The following SEMA3C variants were observed in gnomAD, a reference collection of about 807,000 sequenced individuals.
SEMA3C encodes semaphorin 3C, also known as semaphorin-3C.
SEMA3C carries 47 observed loss-of-function variants against 89.4 expected under a neutral mutation model. The observed-to-expected ratio is 0.53, with a 90% CI of 0.42 to 0.67. The LOEUF is 0.67. Among genes scored for constraint, SEMA3C ranks in the 30% least tolerant of loss-of-function variants. The pLI is 0.00. For missense variants in SEMA3C, 839 were observed against 929.1 expected, an observed-to-expected ratio of 0.90 and a Z score of 1.26; for synonymous variants, 310 against 320.2, an observed-to-expected ratio of 0.97 and a Z score of 0.34.
rs1031680674 is a variant in SEMA3C, at chr7:80,754,947, G to GTT, written c.1643+3382_1643+3383dup. Among the ~76,000 whole-genome samples the GTT allele has an allele frequency of 3.1e-3, 41 of 13,142 alleles. 1 individual carries two copies. Among genetic ancestry groups the GTT allele is most frequent in the African/African-American group, 4.4e-3 (36 of 8,158 alleles). 8.6% of individuals were successfully genotyped at this position (13,142 alleles called of 152,430 possible). On this transcript the variant is annotated intron_variant, in intron 15 of 17. Transcript: ENST00000265361. ...TGCCTGCCACCATGCCTGGCGAATT[G>GTT]TTTTTTTTTGTTTTTTTTTTTTTTG... is the stretch of plus-strand genomic sequence containing the variant.
intron 3 of SEMA3C, 54 bp downstream of exon 3, chr7:80,828,530 TA>T (rs1209157609): frequency 2.8e-6 from 4 of 1,407,466 alleles, no homozygotes; most frequent in South Asian, 2.9e-5. Flanking sequence ...TTATTTTTTT[TA>T]AAAAAGAGAC....
chr7:80,811,775 A>G (rs1286493868), intron 5 of SEMA3C, among the ~76,000 whole-genome samples: 1 of 152,146 alleles, frequency 6.6e-6, no homozygotes, highest in South Asian at 2.1e-4. Flanking sequence ...ATTCAGGAAA[A>G]TTGGTTAGTT....
chr7:80,827,170 G>A (rs1789890646), intron 4 of SEMA3C, among the ~76,000 whole-genome samples: 1 of 152,030 alleles, frequency 6.6e-6, no homozygotes, highest in Non-Finnish European at 1.5e-5. Context: ...GGTTATTAAT[G>A]AAATCCATCA....
intron 2 of SEMA3C, among the ~76,000 whole-genome samples, chr7:80,885,723 T>C (rs1562923494): frequency 6.6e-6 from 1 of 152,204 alleles, no homozygotes; most frequent in Non-Finnish European, 1.5e-5. Context: ...ATATAAGTTT[T>C]AAACACATGA....
At chr7:80,862,277 G>C (rs746152574) in intron 2 of SEMA3C, among the ~76,000 whole-genome samples, 3 of 152,072 alleles carry the variant, frequency 2.0e-5, no homozygotes, top group Admixed American at 1.3e-4. Flanking sequence ...CAAGTCAGTA[G>C]TAGCTTGTGT....
At chr7:80,798,369 G>T in intron 10 of SEMA3C, 133 bp from the exon 11 acceptor site, 1 of 760,784 alleles carries the variant, frequency 1.3e-6, no homozygotes, top group Non-Finnish European at 1.9e-6. Flanking sequence ...TCGAACACAT[G>T]TGAAAAGCTG....
At chr7:80,867,739 C>T (rs1280650294) in intron 2 of SEMA3C, among the ~76,000 whole-genome samples, 3 of 152,038 alleles carry the variant, frequency 2.0e-5, no homozygotes, top group Non-Finnish European at 2.9e-5. Context: ...CACACACACA[C>T]ATTAACCTCT....
chr7:80,764,451 A>G (rs1788250927), intron 13 of SEMA3C, among the ~76,000 whole-genome samples: 1 of 152,216 alleles, frequency 6.6e-6, no homozygotes, highest in Non-Finnish European at 1.5e-5. Flanking sequence ...GTGAGTAGAG[A>G]AGGGCACAGC....
At position 80,805,796 on chromosome 7, in the gene SEMA3C, A is replaced by T. The variant is rs189925111; in HGVS notation, c.539-38T>A. 1.3e-5 allele frequency: 19 copies of T among 1,516,836 alleles called. No individual in the cohort carries two copies. In the East Asian group the frequency reaches 4.1e-4, roughly 33 times the overall value. The allele number at this position is 1,516,836 out of a possible 1,614,324, so 94.0% of individuals were successfully genotyped here. A position where few individuals can be genotyped will look rare whatever the true frequency, so the allele number is the denominator to read the frequency against. Reference sequence around the variant, plus strand: ...AAATATCAATGAAATGTAAATTTTTAAAGCTATTTTGAAATTCTAGGTGAG... The same window carrying T: ...AAATATCAATGAAATGTAAATTTTTTAAGCTATTTTGAAATTCTAGGTGAG... On this transcript the variant is annotated intron_variant, in intron 6 of 17. Transcript: ENST00000265361.
At chr7:80,867,110 T>C (rs941593842) in intron 2 of SEMA3C, among the ~76,000 whole-genome samples, 8 of 152,194 alleles carry the variant, frequency 5.3e-5, no homozygotes, top group African/African-American at 1.9e-4. Context: ...AAATTACCAA[T>C]TGAACATGCA....
rs1405912486 is a variant in SEMA3C, at chr7:80,827,407, T to G, written c.327+18A>C. On this transcript the variant is annotated intron_variant, in intron 4 of 17. Transcript: ENST00000265361. ...TTAAGTTAGTGTTTTTTTTTTTTTTTTTTTTTTTAACACTTACTGTGGGAT... is the reference window on the plus strand; with the variant it reads ...TTAAGTTAGTGTTTTTTTTTTTTTTGTTTTTTTTAACACTTACTGTGGGAT... 16 of 1,498,840 alleles carry G rather than the reference T, an allele frequency of 1.1e-5. No individual in the cohort carries two copies. Among genetic ancestry groups the G allele is most frequent in the South Asian group, 1.4e-5 (1 of 72,784 alleles). The allele number at this position is 1,498,840 out of a possible 1,614,324, so 92.8% of individuals were successfully genotyped here. A position where few individuals can be genotyped will look rare whatever the true frequency, so the allele number is the denominator to read the frequency against.
intron 14 of SEMA3C, 108 bp downstream of exon 14, chr7:80,761,505 CTCT>C: frequency 5.1e-6 from 3 of 593,632 alleles, no homozygotes; most frequent in Non-Finnish European, 8.7e-6. Flanking sequence ...TTAAGTAGTA[CTCT>C]TTATTTTGTT....
chr7:80,771,900 G>T (rs1198560477), intron 12 of SEMA3C, among the ~76,000 whole-genome samples: 1 of 152,126 alleles, frequency 6.6e-6, no homozygotes, highest in African/African-American at 2.4e-5. Flanking sequence ...CTAGGTGTCA[G>T]CCTAGGCAGC....
At chr7:80,787,665 G>A in intron 12 of SEMA3C, among the ~76,000 whole-genome samples, 1 of 152,190 alleles carries the variant, frequency 6.6e-6, no homozygotes, top group East Asian at 1.9e-4. Context: ...AGCAGAGGTG[G>A]CAGTGGGTGA....
At chr7:80,881,580 T>G (rs920485685) in intron 2 of SEMA3C, among the ~76,000 whole-genome samples, 2 of 152,156 alleles carry the variant, frequency 1.3e-5, no homozygotes, top group South Asian at 4.1e-4. Context: ...AATGCTGAAT[T>G]CTCCCAGAGC....
intron 15 of SEMA3C, among the ~76,000 whole-genome samples, chr7:80,756,328 T>C (rs1344725079): frequency 1.3e-5 from 2 of 152,094 alleles, no homozygotes; most frequent in African/African-American, 4.8e-5. Context: ...CAGACCATTT[T>C]TTTTTTGCCA....
intron 2 of SEMA3C, among the ~76,000 whole-genome samples, chr7:80,853,587 T>C (rs1049707982): frequency 6.6e-6 from 1 of 152,012 alleles, no homozygotes; most frequent in Non-Finnish European, 1.5e-5. Context: ...CTCAGGGAGA[T>C]AGACAATAGA....
At position 80,808,557 on chromosome 7, in the gene SEMA3C, GT is replaced by G. The variant is rs1789393531; in HGVS notation, c.538+2053del. ...AGCAATTCACTGAATAACTTCCAAG[GT>G]TTACCTGTCTTAATGTAATTTCCAG... On this transcript the variant is annotated intron_variant, in intron 6 of 17. Transcript: ENST00000265361. 2.0e-5 allele frequency among the ~76,000 whole-genome samples: 3 copies of G among 152,064 alleles called. No individual in the cohort carries two copies. The South Asian group carries it at 6.2e-4, about 32-fold the overall frequency.
chr7:80,751,433 T>C (rs913282938), intron 15 of SEMA3C, 97 bp from the exon 16 acceptor site: 4 of 1,041,286 alleles, frequency 3.8e-6, no homozygotes, highest in South Asian at 2.8e-5. Flanking sequence ...ACCCTTTTTA[T>C]TGCTAAGCTT....
Sources: allele counts gnomAD v4.1 joint callset (sites outside exome capture counted in the v4.1 genomes callset), GRCh38; gene constraint gnomAD v4.1.1; transcripts MANE v1.5; gene names NCBI Gene and HGNC (gene_info 2026-07-23, HGNC 2026-07-21).